Variants in SPI1 observed in about 807,000 individuals in gnomAD.
SPI1 encodes the protein Spi-1 proto-oncogene.
SPI1 carries 3 observed loss-of-function variants against 30.7 expected under a neutral mutation model. The observed-to-expected ratio is 0.10, with a 90% CI of 0.04 to 0.25. SPI1 has a LOEUF of 0.25. Among genes scored for constraint, SPI1 ranks in the 10% least tolerant of loss-of-function variants. The pLI is 1.00. For synonymous variants in SPI1, 169 were observed against 157.1 expected (o/e 1.08, Z -0.56); for missense variants, 261 against 371.5 (o/e 0.70, Z 2.45).
chr11:47,359,719 G>T lies in SPI1; in HGVS notation c.330+134C>A. 2.0e-6 allele frequency: 2 copies of T among 981,380 alleles called. No homozygotes were observed. Among genetic ancestry groups the T allele is most frequent in the Non-Finnish European group, 3.0e-6 (2 of 666,846 alleles). 60.8% of individuals were successfully genotyped at this position (981,380 alleles called of 1,614,324 possible). On this transcript the variant is annotated intron_variant, in intron 3 of 4. Coordinates refer to ENST00000378538, the MANE Select transcript of SPI1 (RefSeq NM_003120.3). This position sits in a 1 kb window ranked among gnomAD's most constrained non-coding sequence, Gnocchi z 5.1. ...GGGGGGTCAGGCGGCAGCCGTTGGA[G>T]CTCCAGCCGCCGTTGGCACTGTGGG...
chr11:47,355,193 G>A lies in SPI1; in HGVS notation c.*34C>T, dbSNP rs2095906159. On this transcript the variant is annotated 3_prime_UTR_variant, in exon 5 of 5. Coordinates refer to ENST00000378538, the MANE Select transcript of SPI1 (RefSeq NM_003120.3). ...GAGGGCTTAATGCTATGGCCAGCGG[G>A]GAGGCCTGGCGGGGCCCGGCGGGGG... 7.6e-7 allele frequency: 1 copy of A among 1,310,278 alleles called. No homozygotes were observed. Among genetic ancestry groups the A allele is most frequent in the Non-Finnish European group, 9.7e-7 (1 of 1,033,218 alleles). 81.2% of individuals were successfully genotyped at this position (1,310,278 alleles called of 1,614,324 possible).
chr11:47,357,421 G>T (rs1777870717), intron 4 of SPI1, among the ~76,000 whole-genome samples: 1 of 151,830 alleles, frequency 6.6e-6, no homozygotes, highest in Admixed American at 6.6e-5. Flanking sequence ...ATATCCACTT[G>T]CATGCTTACA....
At position 47,358,859 on chromosome 11, in the gene SPI1, G is replaced by A. The variant is rs1434637419; in HGVS notation, c.478C>T (p.Leu160=). The A allele has an allele frequency of 1.9e-6, 3 of 1,550,206 alleles. No homozygotes were observed. In the South Asian group the frequency reaches 3.6e-5, roughly 18 times the overall value. Residue 160 remains leucine, a synonymous_variant, in exon 4 of 5, where the codon CTG becomes TTG. Transcript: ENST00000378538. The part of the protein sequence containing the change: ...ADGLEPGPGL[L]PGETGSKKKI... ...GGTGCCCCACCTGTCTCCCCAGGCA[G>A]GAGCCCAGGCCCGGGCTCCAGGCCA...
chr11:47,378,410 C>A lies in SPI1; in HGVS notation c.-57G>T. 6.3e-7 allele frequency: 1 copy of A among 1,575,310 alleles called. No individual in the cohort carries two copies. The highest frequency in any genetic ancestry group is 8.6e-7 in the Non-Finnish European group (1 of 1,157,202). On this transcript the variant is annotated 5_prime_UTR_variant, in exon 1 of 5. Coordinates refer to ENST00000378538, the MANE Select transcript of SPI1 (RefSeq NM_003120.3). The stretch of plus-strand genomic sequence containing the variant: ...GCCTCGGTGGGGGCCAATGCAGAGC[C>A]CCTCAGGATGGGGTGCCCCGTCAGG...
intron 4 of SPI1, among the ~76,000 whole-genome samples, chr11:47,357,890 ACT>A (rs1205696203): frequency 2.0e-5 from 3 of 151,418 alleles, no homozygotes; most frequent in Non-Finnish European, 2.9e-5. Flanking sequence ...ATGCTCACAC[ACT>A]CATTCACACA....
intron 2 of SPI1, among the ~76,000 whole-genome samples, chr11:47,372,208 G>A (rs1386220242): frequency 2.0e-5 from 3 of 151,598 alleles, no homozygotes; most frequent in East Asian, 3.9e-4. Flanking sequence ...GAGTTCAAGC[G>A]ATTCTCCTGC....
intron 2 of SPI1, among the ~76,000 whole-genome samples, chr11:47,364,264 A>T (rs568892436): frequency 3.3e-5 from 5 of 151,888 alleles, no homozygotes; most frequent in African/African-American, 1.2e-4. Context: ...GTTAGCCAGG[A>T]TGGTCGCGAT....
intron 2 of SPI1, among the ~76,000 whole-genome samples, chr11:47,363,228 A>G (rs1206590834): frequency 6.6e-6 from 1 of 152,140 alleles, no homozygotes; most frequent in East Asian, 1.9e-4. Context: ...AAAAATAAAA[A>G]TGTCTTTCTA....
chr11:47,355,661 C>T (rs1293755100), intron 4 of SPI1, 115 bp from the exon 5 acceptor site: 12 of 879,600 alleles, frequency 1.4e-5, no homozygotes, highest in Non-Finnish European at 1.8e-5. Flanking sequence ...GGCAGGGGAA[C>T]GGCTGCCCCA....
chr11:47,373,747 G>A (rs2095938874), intron 2 of SPI1, among the ~76,000 whole-genome samples: 2 of 152,156 alleles, frequency 1.3e-5, no homozygotes, highest in African/African-American at 4.8e-5. Flanking sequence ...CACTGGTGGA[G>A]TCTCTGGAGG....
intron 2 of SPI1, among the ~76,000 whole-genome samples, chr11:47,362,645 G>A (rs1373011359): frequency 7.0e-6 from 1 of 143,242 alleles, no homozygotes; most frequent in Non-Finnish European, 1.5e-5. Flanking sequence ...GCACGATATC[G>A]GCTCACTGCA....
At chr11:47,365,651 T>C (rs2095927052) in intron 2 of SPI1, among the ~76,000 whole-genome samples, 1 of 150,612 alleles carries the variant, frequency 6.6e-6, no homozygotes, top group South Asian at 2.1e-4. Flanking sequence ...AGAAACAAGA[T>C]GATTAATGAA....
intron 2 of SPI1, among the ~76,000 whole-genome samples, chr11:47,364,719 C>G (rs144056587): frequency 6.6e-6 from 1 of 152,292 alleles, no homozygotes; most frequent in East Asian, 1.9e-4. Context: ...AGACCCATGA[C>G]CTCACTGTGG....
In SPI1 at chr11:47,355,112, C is replaced by T; in HGVS notation, c.*115G>A. ...GGGGGCGGGTGAGGCGAGGCCCGGCCCGCCACAGTCCTGCCTCTGGGCCCC... is the reference window on the plus strand; with the variant it reads ...GGGGGCGGGTGAGGCGAGGCCCGGCTCGCCACAGTCCTGCCTCTGGGCCCC... On this transcript the variant is annotated 3_prime_UTR_variant, in exon 5 of 5. Transcript: ENST00000378538. The T allele has an allele frequency of 1.2e-6, 1 of 819,976 alleles. No homozygotes were observed. Among genetic ancestry groups the T allele is most frequent in the Non-Finnish European group, 1.6e-6 (1 of 617,232 alleles). The allele number at this position is 819,976 out of a possible 1,614,324, so 50.8% of individuals were successfully genotyped here.
chr11:47,357,152 C>T (rs1432714774), intron 4 of SPI1, among the ~76,000 whole-genome samples: 1 of 150,280 alleles, frequency 6.7e-6, no homozygotes, highest in Non-Finnish European at 1.5e-5. Flanking sequence ...ACACCTCATA[C>T]CTCACACACA....
intron 4 of SPI1, chr11:47,358,597 ACT>A (rs2095915699): frequency 1.4e-6 from 1 of 703,832 alleles, no homozygotes; most frequent in Non-Finnish European, 2.6e-6. Flanking sequence ...ATGTACACAC[ACT>A]CATGGCACAG....
chr11:47,376,245 C>T (rs1044805059), intron 1 of SPI1, among the ~76,000 whole-genome samples: 2 of 152,070 alleles, frequency 1.3e-5, no homozygotes, highest in South Asian at 2.1e-4. Flanking sequence ...CATGCACACA[C>T]GCAGAGTCTC....
intron 4 of SPI1, among the ~76,000 whole-genome samples, chr11:47,357,472 C>G (rs117847273): frequency 0.022 from 3,290 of 152,110 alleles, 52 homozygotes; most frequent in Non-Finnish European, 0.033. Context: ...TACTTGCACA[C>G]TCAAATGCTC....
intron 2 of SPI1, among the ~76,000 whole-genome samples, chr11:47,365,024 C>T (rs1418160639): frequency 1.3e-5 from 2 of 152,150 alleles, no homozygotes; most frequent in African/African-American, 4.8e-5. Context: ...ATTTGGTGCT[C>T]AGGCAATTAT....
Sources: gnomAD v4.1 joint callset for allele counts (sites outside exome capture counted in the v4.1 genomes callset) on GRCh38, gnomAD v4.1.1 for gene constraint, Gnocchi (gnomAD v3.1) non-coding constraint, MANE v1.5 for transcripts, NCBI Gene and HGNC (gene_info 2026-07-23, HGNC 2026-07-21) for gene names.